FARS2: variants seen among roughly 807,000 people sequenced by gnomAD.
FARS2 encodes the protein phenylalanine--tRNA ligase, mitochondrial.
Under a neutral mutation model 46.4 loss-of-function variants are expected in FARS2, and 40 were observed. The observed-to-expected ratio is 0.86, with a 90% CI of 0.67 to 1.12. The LOEUF (loss-of-function observed/expected upper bound fraction) is 1.12. FARS2 is among the 50% of genes most tolerant of loss of function. The probability of loss-of-function intolerance (pLI) is 0.00; values close to 1 mark genes in which losing one functional copy is unlikely to be tolerated. For synonymous variants in FARS2, 234 were observed against 214.9 expected (o/e 1.09, Z -0.78); for missense variants, 513 against 567.9 (o/e 0.90, Z 0.98).
intron 2 of FARS2, among the ~76,000 whole-genome samples, chr6:5,375,506 A>AG (rs1435569125): frequency 6.6e-6 from 1 of 152,086 alleles, no homozygotes; most frequent in African/African-American, 2.4e-5. Flanking sequence ...CTACAAATCC[A>AG]GCGCAAATCC....
intron 1 of FARS2, among the ~76,000 whole-genome samples, chr6:5,290,208 T>G (rs1275412885): frequency 6.6e-6 from 1 of 152,222 alleles, no homozygotes; most frequent in East Asian, 1.9e-4. Flanking sequence ...CCCATTTATC[T>G]GTTTTGTACC....
intron 2 of FARS2, among the ~76,000 whole-genome samples, chr6:5,399,415 A>T (rs1418606518): frequency 6.6e-6 from 1 of 152,014 alleles, no homozygotes; most frequent in Non-Finnish European, 1.5e-5. Flanking sequence ...ACCTCAAGTG[A>T]TCCTCCTGCC....
At chr6:5,642,613 T>A (rs1002808993) in intron 6 of FARS2, among the ~76,000 whole-genome samples, 2 of 151,512 alleles carry the variant, frequency 1.3e-5, no homozygotes, top group Non-Finnish European at 2.9e-5. Context: ...GGAAGATGAT[T>A]TTTTAAATGT....
At chr6:5,258,950 C>T (rs1014789340), upstream of FARS2, among the ~76,000 whole-genome samples, 4 of 152,164 alleles carry the variant, frequency 2.6e-5, no homozygotes, top group Non-Finnish European at 4.4e-5. Context: ...CATTTGAAAA[C>T]GCTTGGGCCT....
chr6:5,664,482 C>T (rs1778008542), intron 6 of FARS2, among the ~76,000 whole-genome samples: 1 of 152,182 alleles, frequency 6.6e-6, no homozygotes, highest in Non-Finnish European at 1.5e-5. Context: ...CAGGTTATAT[C>T]CAGACCTCAT....
intron 4 of FARS2, among the ~76,000 whole-genome samples, chr6:5,440,068 G>A (rs1763753829): frequency 6.6e-6 from 1 of 152,014 alleles, no homozygotes; most frequent in African/African-American, 2.4e-5. Flanking sequence ...AAGATGGTGA[G>A]ACTTTTTTTC....
chr6:5,653,785 T>G (rs1561779438), intron 6 of FARS2, among the ~76,000 whole-genome samples: 1 of 152,194 alleles, frequency 6.6e-6, no homozygotes, highest in South Asian at 2.1e-4. Context: ...ACCCTGGGGA[T>G]GCACCAAAGC....
Position 5,685,798 on chromosome 6 carries a change from A to C in FARS2, c.1217+72478A>C, listed in dbSNP as rs577333464. Among the ~76,000 whole-genome samples the C allele has an allele frequency of 8.5e-5, 13 of 152,314 alleles. 1 individual carries two copies. The South Asian group carries it at 2.5e-3, about 29-fold the overall frequency. ...CTCAAGGGCTTCCTAGAAGAGGCCC[A>C]TATTGGGCCCCTTCCTATTCAAGTC... On this transcript the variant is annotated intron_variant, in intron 6 of 6. Coordinates refer to ENST00000274680, the MANE Select transcript of FARS2 (RefSeq NM_006567.5).
intron 5 of FARS2, among the ~76,000 whole-genome samples, chr6:5,586,549 C>A (rs1302734477): frequency 6.6e-6 from 1 of 152,150 alleles, no homozygotes; most frequent in Non-Finnish European, 1.5e-5. Flanking sequence ...TCCACTTGAT[C>A]ATGGTGTATG....
chr6:5,443,432 T>G (rs2127790898), intron 4 of FARS2, among the ~76,000 whole-genome samples: 1 of 152,366 alleles, frequency 6.6e-6, no homozygotes, highest in Non-Finnish European at 1.5e-5. Context: ...AAGAATATAC[T>G]TCTCTGCCCT....
In FARS2 at chr6:5,532,056, CGA is replaced by C. The variant is rs1561689840; in HGVS notation, c.905-13123_905-13122del. On this transcript the variant is annotated intron_variant, in intron 4 of 6. Coordinates refer to ENST00000274680, the MANE Select transcript of FARS2 (RefSeq NM_006567.5). ...ATCTAGCGTGAAAGTCATTTTGGAACGATAAAACCCAACATTCAGAAGAGAAA... is the reference window on the plus strand; with the variant it reads ...ATCTAGCGTGAAAGTCATTTTGGAACTAAAACCCAACATTCAGAAGAGAAA... Among the ~76,000 whole-genome samples, 11 of 152,248 alleles carry C rather than the reference CGA, an allele frequency of 7.2e-5. No individual in the cohort carries two copies. The East Asian group carries it at 2.1e-3, about 29-fold the overall frequency.
At chr6:5,339,660 C>T (rs1484655218) in intron 1 of FARS2, among the ~76,000 whole-genome samples, 1 of 152,110 alleles carries the variant, frequency 6.6e-6, no homozygotes, top group Non-Finnish European at 1.5e-5. Context: ...GTCTCAAACT[C>T]CTGAGCTCAA....
At chr6:5,483,274 A>G (rs1766580582) in intron 4 of FARS2, among the ~76,000 whole-genome samples, 1 of 152,018 alleles carries the variant, frequency 6.6e-6, no homozygotes, top group African/African-American at 2.4e-5. Context: ...CTCTATCTTT[A>G]TGTGATCAAT....
chr6:5,404,408 TGA>T, intron 2 of FARS2, 132 bp from the exon 3 acceptor site: 1 of 507,936 alleles, frequency 2.0e-6, no homozygotes. Context: ...TTACGTTTAT[TGA>T]CAGGACATAA....
chr6:5,407,598 T>C (rs1346713196), intron 3 of FARS2, among the ~76,000 whole-genome samples: 1 of 151,878 alleles, frequency 6.6e-6, no homozygotes, highest in Non-Finnish European at 1.5e-5. Flanking sequence ...AATGGATTTA[T>C]AATGTTTTTT....
the FARS2 span, among the ~76,000 whole-genome samples, chr6:5,254,840 T>A: frequency 6.6e-6 from 1 of 152,074 alleles, no homozygotes; most frequent in Non-Finnish European, 1.5e-5. Flanking sequence ...TCTCGTGGGG[T>A]CCTGCTCTAT....
intron 4 of FARS2, among the ~76,000 whole-genome samples, chr6:5,504,443 A>C (rs1474524846): frequency 6.7e-6 from 1 of 150,094 alleles, no homozygotes; most frequent in African/African-American, 2.5e-5. Context: ...CCAGTAAAAA[A>C]AAAAAAAAAA....
chr6:5,498,833 A>G (rs1767625898), intron 4 of FARS2, among the ~76,000 whole-genome samples: 1 of 152,240 alleles, frequency 6.6e-6, no homozygotes, highest in African/African-American at 2.4e-5. Context: ...GGGAAAACCT[A>G]CAACATAAAT....
At chr6:5,329,340 G>A (rs577022228) in intron 1 of FARS2, among the ~76,000 whole-genome samples, 27 of 152,262 alleles carry the variant, frequency 1.8e-4, no homozygotes, top group African/African-American at 6.5e-4. Context: ...ATTGAGATCT[G>A]GAATGAATTC....
Sources: allele counts gnomAD v4.1 joint callset (sites outside exome capture counted in the v4.1 genomes callset), GRCh38; gene constraint gnomAD v4.1.1; transcripts MANE v1.5; gene names NCBI Gene and HGNC (gene_info 2026-07-23, HGNC 2026-07-21).